Variants in PIK3C2G observed in about 807,000 individuals in gnomAD.
The protein encoded by PIK3C2G is phosphatidylinositol 3-kinase C2 domain-containing subunit gamma.
A neutral mutation model predicts 181.1 loss-of-function variants in PIK3C2G; 168 were observed. The ratio of observed to expected loss-of-function variants is 0.93; its 90% CI spans 0.82 to 1.05. PIK3C2G has a LOEUF of 1.05. PIK3C2G is among the 50% of genes least tolerant of loss of function. The probability of loss-of-function intolerance (pLI) is 0.00; values close to 1 mark genes in which losing one functional copy is unlikely to be tolerated. For missense variants in PIK3C2G, 1,869 were observed against 1,732.8 expected (o/e 1.08, Z -1.40); for synonymous variants, 573 against 592.2 (o/e 0.97, Z 0.47).
the PIK3C2G span, among the ~76,000 whole-genome samples, chr12:18,695,525 T>C: frequency 6.6e-6 from 1 of 152,132 alleles, no homozygotes; most frequent in Admixed American, 6.6e-5. Flanking sequence ...CGTTACAATA[T>C]GGAAGTACCT....
chr12:18,374,178 G>A (rs4764395), intron 13 of PIK3C2G, among the ~76,000 whole-genome samples: 23,538 of 152,064 alleles, frequency 0.15, 2,375 homozygotes, highest in Admixed American at 0.28. Context: ...ATTCTAATTT[G>A]ATTGGTCTGT....
chr12:18,447,501 A>G (rs1429932393), intron 18 of PIK3C2G, among the ~76,000 whole-genome samples: 1 of 152,194 alleles, frequency 6.6e-6, no homozygotes, highest in Non-Finnish European at 1.5e-5. Flanking sequence ...TCCTATTAAC[A>G]CACAGATACA....
the PIK3C2G span, among the ~76,000 whole-genome samples, chr12:18,689,443 T>C: frequency 6.6e-6 from 1 of 152,184 alleles, no homozygotes; most frequent in African/African-American, 2.4e-5. Context: ...AGATTCTTTT[T>C]GCATTTTTTA....
intron 18 of PIK3C2G, among the ~76,000 whole-genome samples, chr12:18,446,422 C>T (rs1172028540): frequency 6.6e-6 from 1 of 152,148 alleles, no homozygotes; most frequent in Admixed American, 6.5e-5. Context: ...TGGGACTCTC[C>T]TTCATTTGGC....
intron 16 of PIK3C2G, among the ~76,000 whole-genome samples, chr12:18,419,868 G>T (rs1365101736): frequency 6.6e-6 from 1 of 152,052 alleles, no homozygotes; most frequent in African/African-American, 2.4e-5. Flanking sequence ...ACTCGATGGC[G>T]GCATAGTTCC....
chr12:18,282,516 T>C lies in PIK3C2G; in HGVS notation c.435T>C (p.Ala145=). ...GADDSRFSIL[A]PSFTSLDKIN... is the part of the protein sequence containing the mutation. ...ATGATTCCAGATTCAGTATTTTAGC[T>C]CCATCATTCACAAGTTTGGATAAAA... The change falls in exon 2 of 33, where the codon GCT becomes GCC. Residue 145 remains alanine, a synonymous_variant. Transcript: ENST00000538779. 6.2e-7 allele frequency: 1 copy of C among 1,611,956 alleles called. No individual in the cohort carries two copies. The highest frequency in any genetic ancestry group is 8.5e-7 in the Non-Finnish European group (1 of 1,178,384).
the PIK3C2G span, among the ~76,000 whole-genome samples, chr12:18,674,110 G>A: frequency 0.6 from 90,824 of 152,046 alleles, 27,305 homozygotes; most frequent in South Asian, 0.66. Flanking sequence ...GAATAAAATC[G>A]AAAGACAAAG....
chr12:18,471,526 T>G (rs1360193871), intron 18 of PIK3C2G, among the ~76,000 whole-genome samples: 1 of 152,198 alleles, frequency 6.6e-6, no homozygotes, highest in African/African-American at 2.4e-5. Context: ...AATTCTTGCT[T>G]GTTCTCATCA....
intron 13 of PIK3C2G, among the ~76,000 whole-genome samples, chr12:18,378,548 A>C (rs1375014116): frequency 6.6e-6 from 1 of 152,238 alleles, no homozygotes; most frequent in African/African-American, 2.4e-5. Flanking sequence ...GCTTCGGCAC[A>C]GCAAAAGAAA....
Position 18,282,266 on chromosome 12 carries a change from C to G in PIK3C2G, c.185C>G (p.Thr62Ser). 4.3e-6 allele frequency: 7 copies of G among 1,613,656 alleles called. No individual in the cohort carries two copies. Among genetic ancestry groups the G allele is most frequent in the Non-Finnish European group, 5.9e-6 (7 of 1,179,708 alleles). ...TACGAGAGTGAAATTGATGAAAACA[C>G]CTTTTTTGTGCCCACTGCACCAAAA... Reference protein sequence around the residue: ...PHYESEIDENTFFVPTAPKWD... With the variant: ...PHYESEIDENSFFVPTAPKWD... Residue 62 changes from threonine (T) to serine (S), a missense_variant, in exon 2 of 33, where the codon ACC becomes AGC. Thr to Ser is a moderately conservative substitution (Grantham distance 58). Coordinates refer to ENST00000538779, the MANE Select transcript of PIK3C2G (RefSeq NM_001288772.2).
At chr12:18,343,262 T>C in intron 9 of PIK3C2G, 65 bp from the exon 10 acceptor site, 1 of 820,058 alleles carries the variant, frequency 1.2e-6, no homozygotes, top group Non-Finnish European at 2.0e-6. Flanking sequence ...TTTTGGACAT[T>C]ACTATTTGAC....
intron 15 of PIK3C2G, among the ~76,000 whole-genome samples, chr12:18,396,697 T>C (rs1204229310): frequency 4.0e-5 from 6 of 151,684 alleles, no homozygotes; most frequent in Non-Finnish European, 7.4e-5. Flanking sequence ...AACAAAATTT[T>C]ATTTACTAAA....
intron 18 of PIK3C2G, among the ~76,000 whole-genome samples, chr12:18,436,914 A>C (rs1187772188): frequency 6.6e-6 from 1 of 151,984 alleles, no homozygotes; most frequent in Non-Finnish European, 1.5e-5. Context: ...TGAAAATGTA[A>C]GGCTGCATCT....
chr12:18,665,783 A>C, the PIK3C2G span, among the ~76,000 whole-genome samples: 1 of 152,000 alleles, frequency 6.6e-6, no homozygotes. Context: ...AAAATACAAA[A>C]AATTAGCCAG....
At chr12:18,660,374 T>C in the PIK3C2G span, among the ~76,000 whole-genome samples, 2 of 152,100 alleles carry the variant, frequency 1.3e-5, no homozygotes, top group Admixed American at 1.3e-4. Flanking sequence ...GTGGGAAGTT[T>C]TGTTGCAACT....
the PIK3C2G span, among the ~76,000 whole-genome samples, chr12:18,660,627 C>T: frequency 1.3e-5 from 2 of 152,200 alleles, no homozygotes; most frequent in African/African-American, 2.4e-5. Context: ...ATACCTCAGG[C>T]TGGTCCTTGG....
upstream of PIK3C2G, among the ~76,000 whole-genome samples, chr12:18,246,267 T>C (rs1268700683): frequency 3.3e-5 from 5 of 152,152 alleles, no homozygotes; most frequent in Non-Finnish European, 7.3e-5. Flanking sequence ...CATAGCTGGT[T>C]AAATATACCA....
chr12:18,694,265 T>C, the PIK3C2G span, among the ~76,000 whole-genome samples: 2 of 152,132 alleles, frequency 1.3e-5, no homozygotes, highest in Non-Finnish European at 2.9e-5. Flanking sequence ...GGGTGGCCTG[T>C]CTGTTGGTCA....
chr12:18,460,984 C>T (rs1462730922), intron 18 of PIK3C2G, among the ~76,000 whole-genome samples: 2 of 151,854 alleles, frequency 1.3e-5, no homozygotes, highest in Admixed American at 1.3e-4. Flanking sequence ...GTAAAATGCT[C>T]AAAACAAATT....
Sources: gnomAD v4.1 joint callset for allele counts (sites outside exome capture counted in the v4.1 genomes callset) on GRCh38, gnomAD v4.1.1 for gene constraint, MANE v1.5 for transcripts, NCBI Gene and HGNC (gene_info 2026-07-23, HGNC 2026-07-21) for gene names.